Variants in IQSEC3 observed in about 807,000 individuals in gnomAD.
IQSEC3 encodes IQ motif and SEC7 domain-containing protein 3.
A neutral mutation model predicts 105.4 loss-of-function variants in IQSEC3; 50 were observed. The observed-to-expected ratio is 0.47, with a 90% CI of 0.38 to 0.60. IQSEC3 has a LOEUF of 0.60. IQSEC3 is among the 20% of genes least tolerant of loss of function. The probability of loss-of-function intolerance (pLI) is 0.00; values close to 1 mark genes in which losing one functional copy is unlikely to be tolerated. For synonymous variants in IQSEC3, 708 were observed against 746.0 expected (o/e 0.95, Z 0.83); for missense variants, 1,415 against 1,630.0 (o/e 0.87, Z 2.27).
At chr12:135,061 C>T (rs73036133) in intron 3 of IQSEC3, among the ~76,000 whole-genome samples, 31,367 of 151,992 alleles carry the variant, frequency 0.21, 3,766 homozygotes, top group Non-Finnish European at 0.26. Flanking sequence ...ACCCAGGAGG[C>T]GGAGGTTATG....
At chr12:116,076 A>C (rs1248856037) in intron 2 of IQSEC3, among the ~76,000 whole-genome samples, 1 of 152,252 alleles carries the variant, frequency 6.6e-6, no homozygotes, top group African/African-American at 2.4e-5. Flanking sequence ...AAAATAAAAC[A>C]TGGGACGTCC....
chr12:118,947 C>T (rs1314480312), intron 2 of IQSEC3, among the ~76,000 whole-genome samples: 2 of 152,236 alleles, frequency 1.3e-5, no homozygotes, highest in East Asian at 3.8e-4. Context: ...CTGGGGGCCA[C>T]TGCAGGTGTT....
chr12:125,701 C>T lies in IQSEC3; in HGVS notation c.692C>T (p.Ala231Val). The change falls in exon 3 of 14, where the codon GCC (alanine) becomes GTC (valine). Residue 231 changes from alanine to valine, a missense_variant. By Grantham distance (64) the Ala-to-Val change is moderately conservative (BLOSUM62 0). This residue lies in a region of IQSEC3 where 720 missense variants were observed against 633.0 expected (regional missense o/e 1.14). Coordinates refer to ENST00000538872, the MANE Select transcript of IQSEC3 (RefSeq NM_001170738.2). Reference sequence around the variant, plus strand: ...GTGGTGGCAGCGGCGGCGGTGGCAGCCGGCAGACCCAGTGCCCATGCCCCG... The same window carrying T: ...GTGGTGGCAGCGGCGGCGGTGGCAGTCGGCAGACCCAGTGCCCATGCCCCG... Reference protein sequence around the residue: ...DSVVAAAAVAAGRPSAHAPKA... With the variant: ...DSVVAAAAVAVGRPSAHAPKA... 6.5e-7 allele frequency: 1 copy of T among 1,532,336 alleles called. No homozygotes were observed. Among genetic ancestry groups the T allele is most frequent in the South Asian group, 1.2e-5 (1 of 80,052 alleles). 94.9% of individuals were successfully genotyped at this position (1,532,336 alleles called of 1,614,324 possible).
intron 1 of IQSEC3, among the ~76,000 whole-genome samples, chr12:86,469 A>G (rs1026233707): frequency 6.6e-6 from 1 of 152,158 alleles, no homozygotes; most frequent in South Asian, 2.1e-4. Context: ...GGGCTTACTC[A>G]TTGGACCAGG....
chr12:140,455 C>T (rs1865972170), intron 4 of IQSEC3: 1 of 152,230 alleles, frequency 6.6e-6, no homozygotes, highest in African/African-American at 2.4e-5. Flanking sequence ...TACAGACACT[C>T]ATCTGCCCCA....
At chr12:118,851 A>G (rs1267333530) in intron 2 of IQSEC3, among the ~76,000 whole-genome samples, 1 of 152,112 alleles carries the variant, frequency 6.6e-6, no homozygotes, top group Non-Finnish European at 1.5e-5. Flanking sequence ...GCAGTGGGCA[A>G]TGTGGCTGCC....
chr12:159,301 T>C (rs1555095506), intron 7 of IQSEC3, among the ~76,000 whole-genome samples: 1 of 152,234 alleles, frequency 6.6e-6, no homozygotes, highest in Non-Finnish European at 1.5e-5. Flanking sequence ...CGGGAGCCTC[T>C]GGTCCTGCTC....
At chr12:76,851 G>C (rs2136872444) in intron 1 of IQSEC3, among the ~76,000 whole-genome samples, 1 of 152,372 alleles carries the variant, frequency 6.6e-6, no homozygotes, top group East Asian at 1.9e-4. Flanking sequence ...GCTGTGGCCA[G>C]GGCCTGGTAC....
intron 2 of IQSEC3, among the ~76,000 whole-genome samples, chr12:108,461 C>T (rs1864757768): frequency 6.6e-6 from 1 of 152,246 alleles, no homozygotes; most frequent in African/African-American, 2.4e-5. Flanking sequence ...ACAGCCTGGA[C>T]ATTGTGTCTT....
At chr12:146,501 C>G (rs984936664) in intron 5 of IQSEC3, among the ~76,000 whole-genome samples, 2 of 151,852 alleles carry the variant, frequency 1.3e-5, no homozygotes, top group Non-Finnish European at 1.5e-5. Flanking sequence ...TTTTAAGTAG[C>G]CAGGTGTGGT....
intron 3 of IQSEC3, among the ~76,000 whole-genome samples, chr12:134,696 T>C (rs1865701736): frequency 6.7e-6 from 1 of 150,000 alleles, no homozygotes; most frequent in Non-Finnish European, 1.5e-5. Context: ...GGAGTTCAGG[T>C]CCAGCCTGGC....
Position 115,018 on chromosome 12 carries a change from A to G in IQSEC3, c.624-10615A>G, listed in dbSNP as rs1241561184. The stretch of plus-strand genomic sequence containing the variant: ...ATGTGCAGCATGAAAGCCTGGAGCT[A>G]GATATCAGGTAGGACTTCCAGTAGG... On this transcript the variant is annotated intron_variant, in intron 2 of 13. Transcript: ENST00000538872. Among the ~76,000 whole-genome samples, 23 of 152,246 alleles carry G rather than the reference A, an allele frequency of 1.5e-4. 1 individual carries two copies.
chr12:82,974 G>A (rs782271242), intron 1 of IQSEC3, among the ~76,000 whole-genome samples: 13 of 152,354 alleles, frequency 8.5e-5, no homozygotes, highest in Non-Finnish European at 1.5e-4. Context: ...AATGCTTGCA[G>A]TGAGGCTCTC....
At chr12:76,086 TCACACACACACACACACACACACACA>T (rs55736036) in intron 1 of IQSEC3, among the ~76,000 whole-genome samples, 73 of 148,448 alleles carry the variant, frequency 4.9e-4, no homozygotes, top group African/African-American at 1.6e-3. Context: ...GAGAGTTTCA[TCACACACACACACACACACACACACA>T]CACACACACA....
At chr12:78,132 C>T (rs1312742407) in intron 1 of IQSEC3, among the ~76,000 whole-genome samples, 2 of 150,970 alleles carry the variant, frequency 1.3e-5, no homozygotes, top group Admixed American at 6.6e-5. Flanking sequence ...TCCCCGCGCC[C>T]CAACCCCCGC....
At chr12:103,074 G>A (rs1864481773) in intron 2 of IQSEC3, among the ~76,000 whole-genome samples, 2 of 152,068 alleles carry the variant, frequency 1.3e-5, no homozygotes, top group South Asian at 2.1e-4. Context: ...CCCCCTGGTC[G>A]TTGCCCCTAC....
chr12:147,672 A>G (rs782569566), intron 5 of IQSEC3: 4 of 152,168 alleles, frequency 2.6e-5, no homozygotes, highest in African/African-American at 4.8e-5. Flanking sequence ...CCTGGCAGAA[A>G]CTGAGGCCCT....
intron 2 of IQSEC3, among the ~76,000 whole-genome samples, chr12:103,388 G>T (rs926601427): frequency 2.9e-5 from 4 of 139,598 alleles, no homozygotes; most frequent in Non-Finnish European, 6.2e-5. Context: ...GGATGGGGAG[G>T]CAGGGCTCAG....
At position 175,311 on chromosome 12, in the gene IQSEC3, T is replaced by G; in HGVS notation, c.*278T>G. On this transcript the variant is annotated 3_prime_UTR_variant, in exon 14 of 14. Coordinates refer to ENST00000538872, the MANE Select transcript of IQSEC3 (RefSeq NM_001170738.2). ...GGCCTCCTCTTCCCCTGGCCACCACTTTCCCCCATTGGACCATGGACTGAA... is the reference window on the plus strand; with the variant it reads ...GGCCTCCTCTTCCCCTGGCCACCACGTTCCCCCATTGGACCATGGACTGAA... 1 of 428,712 alleles carries G rather than the reference T, an allele frequency of 2.3e-6. No homozygotes were observed. 26.6% of individuals were successfully genotyped at this position (428,712 alleles called of 1,614,324 possible).
Sources: allele counts gnomAD v4.1 joint callset (sites outside exome capture counted in the v4.1 genomes callset), GRCh38; gene constraint gnomAD v4.1.1; regional missense constraint gnomAD v4.1.1; transcripts MANE v1.5; gene names NCBI Gene and HGNC (gene_info 2026-07-23, HGNC 2026-07-21).